The following COL4A5 variants were observed in gnomAD, a reference collection of about 807,000 sequenced individuals.
COL4A5 encodes collagen type IV alpha 5 chain.
In COL4A5, 26 loss-of-function variants were observed where a neutral mutation model predicts 130.2. The observed-to-expected ratio is 0.20, with a 90% CI of 0.15 to 0.28. COL4A5 has a LOEUF of 0.28. Ranked by LOEUF, COL4A5 falls within the 10% of genes least tolerant of loss-of-function variation. COL4A5 has a pLI of 1.00. For synonymous variants in COL4A5, 496 were observed against 439.6 expected, an observed-to-expected ratio of 1.13 and a Z score of -1.60; for missense variants, 1,131 against 1,344.3, an observed-to-expected ratio of 0.84 and a Z score of 2.48.
intron 1 of COL4A5, among the ~76,000 whole-genome samples, chrX:108,458,259 GT>G (rs1249339513): frequency 9.0e-6 from 1 of 111,699 alleles, no homozygotes; most frequent in Non-Finnish European, 1.9e-5. Flanking sequence ...TTCTGGTTCA[GT>G]TTTTATCCCA....
chrX:108,631,018 C>A (rs1412067151), intron 36 of COL4A5, among the ~76,000 whole-genome samples: 1 of 111,860 alleles, frequency 8.9e-6, no homozygotes, highest in Non-Finnish European at 1.9e-5. Context: ...GTCTACATCT[C>A]TGTTTTGGTA....
chrX:108,598,952 C>T, intron 25 of COL4A5, 82 bp downstream of exon 25: 1 of 995,888 alleles, frequency 1.0e-6, no homozygotes, highest in East Asian at 3.1e-5. Context: ...GCTTCCTTTC[C>T]CGAGAGGTGT....
intron 1 of COL4A5, among the ~76,000 whole-genome samples, chrX:108,490,660 T>C (rs2064985558): frequency 8.9e-6 from 1 of 111,740 alleles, no homozygotes; most frequent in Non-Finnish European, 1.9e-5. Flanking sequence ...AAATTTATCT[T>C]ATTTTAGGTT....
At chrX:108,569,002 A>G (rs1197110940) in intron 6 of COL4A5, 181 bp downstream of exon 6, 2 of 426,988 alleles carry the variant, frequency 4.7e-6, no homozygotes, top group Non-Finnish European at 8.2e-6. Context: ...TTCATTAAAC[A>G]TGTATAATTA....
At chrX:108,666,213 C>G (rs1298613995) in intron 38 of COL4A5, among the ~76,000 whole-genome samples, 1 of 111,436 alleles carries the variant, frequency 9.0e-6, no homozygotes, top group East Asian at 2.8e-4. Context: ...TAAATAACTT[C>G]TCTTGGCCCC....
intron 36 of COL4A5, among the ~76,000 whole-genome samples, chrX:108,637,258 A>G (rs1052689921): frequency 9.0e-5 from 10 of 111,069 alleles, no homozygotes; most frequent in African/African-American, 3.3e-4. Context: ...ACAAATGAAA[A>G]TGAAACCACA....
intron 1 of COL4A5, among the ~76,000 whole-genome samples, chrX:108,531,619 A>G (rs2065387066): frequency 9.0e-6 from 1 of 110,873 alleles, no homozygotes; most frequent in Admixed American, 9.6e-5. Flanking sequence ...GCAGAACTAA[A>G]CAGAGACTAC....
Position 108,545,828 on chromosome X carries a change from C to T in COL4A5, c.141+6023C>T, listed in dbSNP as rs747772130. ...GCATATATATTTAGGATAGTTAGCT[C>T]TTCTTGTTGAATTGATCCCTTTACC... On this transcript the variant is annotated intron_variant, in intron 2 of 52. Transcript: ENST00000328300. Among the ~76,000 whole-genome samples the T allele has an allele frequency of 6.3e-5, 7 of 111,379 alleles. No homozygotes were observed. In the South Asian group the frequency reaches 1.9e-3, roughly 31 times the overall value.
At chrX:108,603,164 C>A in intron 28 of COL4A5, 103 bp downstream of exon 28, 1 of 448,677 alleles carries the variant, frequency 2.2e-6, no homozygotes, top group African/African-American at 2.5e-5. Flanking sequence ...AGCCCCAAGT[C>A]TTTACTATAA....
At chrX:108,581,577 C>T (rs866425440) in intron 16 of COL4A5, among the ~76,000 whole-genome samples, 54 of 110,921 alleles carry the variant, frequency 4.9e-4, no homozygotes, top group African/African-American at 1.7e-3. Context: ...CCCCTTATAA[C>T]GACTGATCTT....
chrX:108,500,700 C>A (rs1034405083), intron 1 of COL4A5, among the ~76,000 whole-genome samples: 1 of 111,901 alleles, frequency 8.9e-6, no homozygotes, highest in Non-Finnish European at 1.9e-5. Context: ...TTATTGGGTG[C>A]TTGTTAAATT....
At chrX:108,629,052 T>C (rs948755304) in intron 36 of COL4A5, among the ~76,000 whole-genome samples, 7 of 112,013 alleles carry the variant, frequency 6.2e-5, no homozygotes, top group African/African-American at 1.6e-4. Flanking sequence ...GTCTCTCTGA[T>C]AAGATAGAGC....
intron 1 of COL4A5, among the ~76,000 whole-genome samples, chrX:108,444,508 C>T (rs192958173): frequency 3.3e-3 from 366 of 111,784 alleles, no homozygotes; most frequent in African/African-American, 0.011. Flanking sequence ...CGTGAGCCAC[C>T]GCACCTGGCC....
intron 28 of COL4A5, among the ~76,000 whole-genome samples, 194 bp from the exon 29 acceptor site, chrX:108,606,548 C>T (rs767147175): frequency 9.1e-6 from 1 of 110,034 alleles, no homozygotes; most frequent in East Asian, 2.9e-4. Flanking sequence ...ATTTGTTTTA[C>T]TAAACCCTGT....
chrX:108,570,561 T>C lies in COL4A5; in HGVS notation c.385-852T>C, dbSNP rs191851443. On this transcript the variant is annotated intron_variant, in intron 6 of 52. Coordinates refer to ENST00000328300, the MANE Select transcript of COL4A5 (RefSeq NM_033380.3). ...GTCTGAATGCTTTTCTTATATTTCT[T>C]ACTATGTAAGTAAAAGAATGAACTT... 2.0e-4 allele frequency among the ~76,000 whole-genome samples: 23 copies of C among 112,353 alleles called. No individual in the cohort carries two copies. The Admixed American group carries it at 2.1e-3, about 10-fold the overall frequency.
At chrX:108,489,892 A>G (rs2064979342) in intron 1 of COL4A5, among the ~76,000 whole-genome samples, 1 of 112,200 alleles carries the variant, frequency 8.9e-6, no homozygotes, top group Non-Finnish European at 1.9e-5. Context: ...TAAGGAATTT[A>G]GAAGGTTCTA....
At chrX:108,663,791 A>G (rs942461044) in intron 37 of COL4A5, among the ~76,000 whole-genome samples, 2 of 111,784 alleles carry the variant, frequency 1.8e-5, no homozygotes, top group Non-Finnish European at 3.8e-5. Context: ...CATAGATTCA[A>G]AGTGATTCCA....
chrX:108,517,340 GTAAATTAAATGTTTCTCTGCTCCTTCTA>G (rs1306384789), intron 1 of COL4A5, among the ~76,000 whole-genome samples: 3 of 111,675 alleles, frequency 2.7e-5, no homozygotes, highest in African/African-American at 9.7e-5. Context: ...GTTTGAATAG[GTAAATTAAATGTTTCTCTGCTCCTTCTA>G]TTATAGCTTT....
At chrX:108,445,350 A>C (rs1418337272) in intron 1 of COL4A5, among the ~76,000 whole-genome samples, 3 of 111,936 alleles carry the variant, frequency 2.7e-5, no homozygotes, top group African/African-American at 9.7e-5. Context: ...TCTTTGCTCA[A>C]TTCCAGCAAA....
Sources: gnomAD v4.1 joint callset for allele counts (sites outside exome capture counted in the v4.1 genomes callset) on GRCh38, gnomAD v4.1.1 for gene constraint, MANE v1.5 for transcripts, NCBI Gene and HGNC (gene_info 2026-07-23, HGNC 2026-07-21) for gene names.